GABRB1: variants seen among roughly 807,000 people sequenced by gnomAD.
GABRB1 encodes the protein gamma-aminobutyric acid receptor subunit beta-1.
In GABRB1, 17 loss-of-function variants were observed where a neutral mutation model predicts 51.6. The ratio of observed to expected loss-of-function variants is 0.33; its 90% CI spans 0.23 to 0.49. The LOEUF (loss-of-function observed/expected upper bound fraction) is 0.49. Ranked by LOEUF, GABRB1 falls within the 20% of genes least tolerant of loss-of-function variation. The pLI, the probability that GABRB1 is intolerant of heterozygous loss-of-function variation, is 0.99. For synonymous variants in GABRB1, 247 were observed against 218.9 expected (o/e 1.13, Z -1.14); for missense variants, 410 against 600.6 (o/e 0.68, Z 3.32).
chr4:47,273,802 A>G (rs560918960), intron 4 of GABRB1, among the ~76,000 whole-genome samples: 1 of 151,778 alleles, frequency 6.6e-6, no homozygotes, highest in South Asian at 2.1e-4. Flanking sequence ...TTATTTTATT[A>G]TTGAGATTGA....
chr4:47,330,190 G>T (rs1725427074), intron 5 of GABRB1, among the ~76,000 whole-genome samples: 1 of 152,168 alleles, frequency 6.6e-6, no homozygotes. Flanking sequence ...GCCTTCAACT[G>T]GTTGGATGAC....
intron 4 of GABRB1, among the ~76,000 whole-genome samples, chr4:47,285,176 A>C (rs1474993434): frequency 6.6e-6 from 1 of 152,226 alleles, no homozygotes; most frequent in Non-Finnish European, 1.5e-5. Flanking sequence ...GTACAGCACA[A>C]GAGTTGTAGC....
At chr4:47,312,421 C>CA (rs34648949) in intron 4 of GABRB1, among the ~76,000 whole-genome samples, 93,492 of 151,892 alleles carry the variant, frequency 0.62, 28,885 homozygotes, top group East Asian at 0.7. Context: ...GTATTAGCTG[C>CA]AAAAAATCTA....
chr4:47,169,182 C>A (rs1182566855), intron 4 of GABRB1, among the ~76,000 whole-genome samples: 1 of 152,090 alleles, frequency 6.6e-6, no homozygotes. Context: ...TTAGCATTTG[C>A]AAAATGGAGA....
chr4:47,222,419 T>C (rs937743667), intron 4 of GABRB1, among the ~76,000 whole-genome samples: 2 of 152,128 alleles, frequency 1.3e-5, no homozygotes, highest in African/African-American at 2.4e-5. Context: ...ACTTTGGCCA[T>C]GTGACTTGCT....
At chr4:47,068,424 C>T (rs994670870) in intron 3 of GABRB1, among the ~76,000 whole-genome samples, 3 of 152,228 alleles carry the variant, frequency 2.0e-5, no homozygotes, top group African/African-American at 7.2e-5. Context: ...GGGCTTTCAA[C>T]ATGCCTTCCT....
At chr4:47,378,438 T>C (rs1727472321) in intron 5 of GABRB1, among the ~76,000 whole-genome samples, 1 of 151,944 alleles carries the variant, frequency 6.6e-6, no homozygotes, top group Non-Finnish European at 1.5e-5. Context: ...CACCTCTCCC[T>C]CCACACCTCC....
chr4:47,170,019 A>G (rs1248095049), intron 4 of GABRB1, among the ~76,000 whole-genome samples: 2 of 152,160 alleles, frequency 1.3e-5, no homozygotes, highest in African/African-American at 4.8e-5. Flanking sequence ...AAAAAAATGT[A>G]TACAATTTTT....
At chr4:47,219,958 C>T (rs1323066037) in intron 4 of GABRB1, among the ~76,000 whole-genome samples, 4 of 151,890 alleles carry the variant, frequency 2.6e-5, no homozygotes, top group Non-Finnish European at 5.9e-5. Flanking sequence ...TAGTATTGAA[C>T]TCATCAGAAG....
chr4:47,047,245 G>C (rs1454538839), intron 3 of GABRB1, among the ~76,000 whole-genome samples: 1 of 152,070 alleles, frequency 6.6e-6, no homozygotes, highest in Non-Finnish European at 1.5e-5. Context: ...AAATTACAGA[G>C]AGATTCACAT....
chr4:47,176,176 T>C (rs1312335667), intron 4 of GABRB1, among the ~76,000 whole-genome samples: 1 of 152,108 alleles, frequency 6.6e-6, no homozygotes, highest in Non-Finnish European at 1.5e-5. Context: ...CATTACTTAG[T>C]TCAGGTGGTG....
At chr4:47,378,737 C>T (rs2110026827) in intron 5 of GABRB1, among the ~76,000 whole-genome samples, 1 of 152,270 alleles carries the variant, frequency 6.6e-6, no homozygotes, top group South Asian at 2.1e-4. Context: ...CCACCCACCT[C>T]AGCTCCCCAA....
chr4:47,039,812 C>T (rs1016503032), intron 3 of GABRB1, among the ~76,000 whole-genome samples: 6 of 152,060 alleles, frequency 3.9e-5, no homozygotes, highest in Admixed American at 6.6e-5. Flanking sequence ...ATTCCTATTG[C>T]GAAAACTTAA....
At chr4:47,214,779 C>A (rs1285841833) in intron 4 of GABRB1, among the ~76,000 whole-genome samples, 1 of 152,060 alleles carries the variant, frequency 6.6e-6, no homozygotes, top group Non-Finnish European at 1.5e-5. Flanking sequence ...AGCCATAAGC[C>A]AACAGAATTT....
At chr4:47,071,836 T>C (rs1360959208) in intron 3 of GABRB1, among the ~76,000 whole-genome samples, 4 of 152,096 alleles carry the variant, frequency 2.6e-5, no homozygotes, top group Non-Finnish European at 5.9e-5. Flanking sequence ...TCAAGCCAGC[T>C]AATGAAAATA....
At position 47,301,625 on chromosome 4, in the gene GABRB1, C is replaced by G. The variant is rs542784189; in HGVS notation, c.462-18502C>G. Reference sequence around the variant, plus strand: ...CTCCAGCCTGGGCAACTGAGCTAGACTCTGTCTCAAAAAAAAAAAAACATT... The same window carrying G: ...CTCCAGCCTGGGCAACTGAGCTAGAGTCTGTCTCAAAAAAAAAAAAACATT... On this transcript the variant is annotated intron_variant, in intron 4 of 8. Transcript: ENST00000295454. Among the ~76,000 whole-genome samples the G allele has an allele frequency of 3.8e-4, 29 of 77,120 alleles. No individual in the cohort carries two copies. The South Asian group carries it at 0.019, about 52-fold the overall frequency. The allele number at this position is 77,120 out of a possible 152,430, so 50.6% of individuals were successfully genotyped here. A position where few individuals can be genotyped will look rare whatever the true frequency, so the allele number is the denominator to read the frequency against.
intron 4 of GABRB1, among the ~76,000 whole-genome samples, chr4:47,249,706 G>T (rs1410545667): frequency 6.6e-6 from 1 of 152,114 alleles, no homozygotes; most frequent in African/African-American, 2.4e-5. Context: ...TCTAACTACT[G>T]TTGCTTAAAA....
intron 1 of GABRB1, among the ~76,000 whole-genome samples, chr4:47,005,644 T>A (rs1473909923): frequency 3.3e-5 from 5 of 150,248 alleles, no homozygotes; most frequent in Admixed American, 6.7e-5. Context: ...CAGCTTTTTT[T>A]AAGCCTCCTG....
chr4:47,279,913 A>G (rs1332835788), intron 4 of GABRB1, among the ~76,000 whole-genome samples: 2 of 148,058 alleles, frequency 1.4e-5, no homozygotes, highest in Non-Finnish European at 3.0e-5. Flanking sequence ...GGCAGCGTAT[A>G]TTTGGGTCTT....
Sources: gnomAD v4.1 joint callset for allele counts (sites outside exome capture counted in the v4.1 genomes callset) on GRCh38, gnomAD v4.1.1 for gene constraint, MANE v1.5 for transcripts, NCBI Gene and HGNC (gene_info 2026-07-23, HGNC 2026-07-21) for gene names.